CCDC192: variants seen among roughly 807,000 people sequenced by gnomAD.
CCDC192 encodes coiled-coil domain-containing protein 192.
At chr5:127,880,974 G>A (rs903485588) in intron 6 of CCDC192, among the ~76,000 whole-genome samples, 4 of 151,888 alleles carry the variant, frequency 2.6e-5, no homozygotes, top group Admixed American at 2.6e-4. Flanking sequence ...AGTGAGATTC[G>A]AGCTCAAAAA....
At chr5:127,747,618 A>T (rs1753854721) in intron 2 of CCDC192, among the ~76,000 whole-genome samples, 1 of 152,056 alleles carries the variant, frequency 6.6e-6, no homozygotes, top group African/African-American at 2.4e-5. Flanking sequence ...TTGGGTATAT[A>T]CCCAGTAATG....
chr5:127,741,586 G>A (rs1472851304), intron 2 of CCDC192, among the ~76,000 whole-genome samples: 1 of 152,088 alleles, frequency 6.6e-6, no homozygotes, highest in Non-Finnish European at 1.5e-5. Context: ...GTGTTCAAAG[G>A]AGTCTCTGTT....
In CCDC192 at chr5:127,760,701, C is replaced by CAAA. The variant is rs56177728; in HGVS notation, c.222+6347_222+6349dup. Among the ~76,000 whole-genome samples the CAAA allele has an allele frequency of 1.1e-3, 59 of 54,760 alleles. 1 individual carries two copies. Among genetic ancestry groups the CAAA allele is most frequent in the African/African-American group, 1.9e-3 (26 of 13,882 alleles). The allele number at this position is 54,760 out of a possible 152,430, so 35.9% of individuals were successfully genotyped here. The stretch of plus-strand genomic sequence containing the variant: ...TGGGTGACAGAGCGAGATTCTGTCT[C>CAAA]AAAAAAAAAAAAAAAAAAAAAAAGG... On this transcript the variant is annotated intron_variant, in intron 3 of 6. Coordinates refer to ENST00000514853, the MANE Select transcript of CCDC192 (RefSeq NM_001317938.2).
At chr5:127,900,579 T>G (rs1290978831) in intron 6 of CCDC192, among the ~76,000 whole-genome samples, 2 of 152,232 alleles carry the variant, frequency 1.3e-5, no homozygotes, top group Non-Finnish European at 2.9e-5. Flanking sequence ...AAATTCCAAT[T>G]TCTCCTTAGC....
intron 5 of CCDC192, among the ~76,000 whole-genome samples, chr5:127,867,096 T>C (rs1270380583): frequency 6.6e-6 from 1 of 152,206 alleles, no homozygotes; most frequent in African/African-American, 2.4e-5. Context: ...AGGAGAAGAA[T>C]ATTCATTGGG....
chr5:127,714,439 A>C, intron 2 of CCDC192, among the ~76,000 whole-genome samples: 1 of 152,128 alleles, frequency 6.6e-6, no homozygotes. Flanking sequence ...CCCAGGCTGG[A>C]GTGCAGTGGT....
At chr5:127,771,461 A>C (rs1324710308) in intron 3 of CCDC192, among the ~76,000 whole-genome samples, 1 of 152,214 alleles carries the variant, frequency 6.6e-6, no homozygotes, top group East Asian at 1.9e-4. Context: ...GATAATGGAG[A>C]GGGAGGCAAT....
intron 3 of CCDC192, among the ~76,000 whole-genome samples, chr5:127,783,095 A>C (rs1049084199): frequency 4.6e-5 from 7 of 151,530 alleles, no homozygotes; most frequent in Non-Finnish European, 1.0e-4. Context: ...TCCTGGGTTC[A>C]AGTGATTCTT....
chr5:127,877,744 A>C (rs1312142618), intron 6 of CCDC192, among the ~76,000 whole-genome samples: 1 of 152,090 alleles, frequency 6.6e-6, no homozygotes, highest in East Asian at 1.9e-4. Context: ...TTTAATACAC[A>C]ATGACCCCTA....
chr5:127,708,697 T>G (rs571280136), intron 2 of CCDC192, among the ~76,000 whole-genome samples: 21 of 152,320 alleles, frequency 1.4e-4, no homozygotes, highest in African/African-American at 4.1e-4. Flanking sequence ...GATAATGGAC[T>G]TAACTAGTGC....
rs181285507 is a variant in CCDC192 at position 127,744,995 on chromosome 5, A to C, written c.115-9273A>C. ...TCAATGTCCCAGGTCAGATGCATGAAAAGTATTGCTCAAAGAAGTCACTGT... is the reference window on the plus strand; with the variant it reads ...TCAATGTCCCAGGTCAGATGCATGACAAGTATTGCTCAAAGAAGTCACTGT... On this transcript the variant is annotated intron_variant, in intron 2 of 6. Transcript: ENST00000514853. Among the ~76,000 whole-genome samples, 1,431 of 152,306 alleles carry C rather than the reference A, an allele frequency of 9.4e-3. 11 individuals carry two copies. The highest frequency in any genetic ancestry group is 0.013 in the Non-Finnish European group (890 of 68,028).
Position 127,893,204 on chromosome 5 carries a change from G to A in CCDC192, c.535+17543G>A, listed in dbSNP as rs541169129. Among the ~76,000 whole-genome samples the A allele has an allele frequency of 3.3e-5, 5 of 152,290 alleles. No homozygotes were observed. The East Asian group carries it at 9.6e-4, about 29-fold the overall frequency. Reference sequence around the variant, plus strand: ...CACCCAGCTACACTGGCAGGCACCAGGAAGTAATGAACAGAATATGGATTT... The same window carrying A: ...CACCCAGCTACACTGGCAGGCACCAAGAAGTAATGAACAGAATATGGATTT... On this transcript the variant is annotated intron_variant, in intron 6 of 6. Coordinates refer to ENST00000514853, the MANE Select transcript of CCDC192 (RefSeq NM_001317938.2).
rs1246648671 is a variant in CCDC192, at chr5:127,719,482, T to C, written c.114+11722T>C. Among the ~76,000 whole-genome samples, 12 of 123,578 alleles carry C rather than the reference T, an allele frequency of 9.7e-5. 2 individuals carry two copies. In the East Asian group the frequency reaches 3.7e-3, roughly 38 times the overall value. 81.1% of individuals were successfully genotyped at this position (123,578 alleles called of 152,430 possible). On this transcript the variant is annotated intron_variant, in intron 2 of 6. Transcript: ENST00000514853. The stretch of plus-strand genomic sequence containing the variant: ...ATATATATACAGACACATACATATA[T>C]ATATATATATATACACACACATACA...
At chr5:127,932,187 T>A (rs1754052584) in intron 6 of CCDC192, among the ~76,000 whole-genome samples, 1 of 151,644 alleles carries the variant, frequency 6.6e-6, no homozygotes, top group Non-Finnish European at 1.5e-5. Flanking sequence ...TCAGTGATAT[T>A]ACATGCAATG....
At chr5:127,915,463 C>T (rs541224096) in intron 6 of CCDC192, among the ~76,000 whole-genome samples, 1 of 152,348 alleles carries the variant, frequency 6.6e-6, no homozygotes, top group African/African-American at 2.4e-5. Flanking sequence ...CTCCCTGCAG[C>T]CTCTGCCTCC....
At chr5:127,768,100 A>G (rs1370147435) in intron 3 of CCDC192, among the ~76,000 whole-genome samples, 2 of 151,958 alleles carry the variant, frequency 1.3e-5, no homozygotes, top group African/African-American at 4.8e-5. Flanking sequence ...AAAAATACAA[A>G]AATTATCCAG....
At chr5:127,814,188 G>C (rs1019778990) in intron 5 of CCDC192, among the ~76,000 whole-genome samples, 6 of 152,176 alleles carry the variant, frequency 3.9e-5, no homozygotes, top group Non-Finnish European at 8.8e-5. Flanking sequence ...GGGCAGGAGT[G>C]GGAGCAGGAA....
intron 6 of CCDC192, among the ~76,000 whole-genome samples, chr5:127,891,090 C>T (rs1002870336): frequency 8.5e-5 from 13 of 152,256 alleles, no homozygotes; most frequent in African/African-American, 2.4e-4. Context: ...CTTGCTCTGT[C>T]GCCCAGGCTG....
intron 5 of CCDC192, among the ~76,000 whole-genome samples, chr5:127,818,099 A>G (rs968544478): frequency 2.0e-5 from 3 of 152,192 alleles, no homozygotes; most frequent in African/African-American, 7.2e-5. Context: ...CACTGCTCTA[A>G]AATCAATGGG....
Sources: allele counts gnomAD v4.1 joint callset (sites outside exome capture counted in the v4.1 genomes callset), GRCh38; gene constraint gnomAD v4.1.1; transcripts MANE v1.5; gene names NCBI Gene and HGNC (gene_info 2026-07-23, HGNC 2026-07-21).